The following SDK1 variants were observed in gnomAD, a reference collection of about 807,000 sequenced individuals.
SDK1 encodes protein sidekick-1.
A neutral mutation model predicts 245.5 loss-of-function variants in SDK1; 157 were observed. The ratio of observed to expected loss-of-function variants is 0.64; its 90% confidence interval spans 0.56 to 0.73. The LOEUF (loss-of-function observed/expected upper bound fraction) is 0.73, where lower values mean the gene tolerates loss of function less well. Ranked by LOEUF, SDK1 falls within the 30% of genes least tolerant of loss-of-function variation. SDK1 has a pLI of 0.00. For missense variants in SDK1, 3,583 were observed against 3,002.3 expected (o/e 1.19, Z -4.52); for synonymous variants, 1,647 against 1,278.5 (o/e 1.29, Z -6.15).
chr7:4,221,472 A>C, intron 40 of SDK1, 108 bp downstream of exon 40: 1 of 1,384,582 alleles, frequency 7.2e-7, no homozygotes. Context: ...TTCCCCCCAC[A>C]AAGCTGGGAC....
At chr7:3,531,316 T>C (rs1044748576) in intron 1 of SDK1, among the ~76,000 whole-genome samples, 42 of 152,244 alleles carry the variant, frequency 2.8e-4, no homozygotes, top group African/African-American at 9.9e-4. Flanking sequence ...TGGTTTTGTA[T>C]TGAAATGTTC....
chr7:3,696,572 T>G (rs200613589), intron 4 of SDK1, among the ~76,000 whole-genome samples: 1 of 147,906 alleles, frequency 6.8e-6, no homozygotes. Context: ...TTCTCTGTGT[T>G]TGTGTGTGTG....
rs1395828547 is a variant in SDK1 at position 3,803,743 on chromosome 7, C to A, written c.714-17707C>A. ...CTTCCAGTTTGCAACTGGTATTTTC[C>A]TCTTTTTTTTTTTTTTTTTTTTTGA... On this transcript the variant is annotated intron_variant, in intron 4 of 44. Coordinates refer to ENST00000404826, the MANE Select transcript of SDK1 (RefSeq NM_152744.4). Among the ~76,000 whole-genome samples, 10 of 144,394 alleles carry A rather than the reference C, an allele frequency of 6.9e-5. No homozygotes were observed. In the Admixed American group the frequency reaches 7.1e-4, roughly 10 times the overall value. 94.7% of individuals were successfully genotyped at this position (144,394 alleles called of 152,430 possible).
chr7:3,764,373 A>C (rs1780190773), intron 4 of SDK1, among the ~76,000 whole-genome samples: 3 of 152,178 alleles, frequency 2.0e-5, no homozygotes, highest in Non-Finnish European at 4.4e-5. Context: ...TTCTCCTGCG[A>C]TGCAATTCAT....
intron 5 of SDK1, among the ~76,000 whole-genome samples, chr7:3,892,974 C>G (rs963950052): frequency 9.2e-5 from 14 of 152,142 alleles, no homozygotes; most frequent in African/African-American, 3.1e-4. Context: ...GCTGCCTTCC[C>G]AGGAGGCCGA....
chr7:3,589,513 A>G (rs1188063976), intron 1 of SDK1, among the ~76,000 whole-genome samples: 2 of 152,212 alleles, frequency 1.3e-5, no homozygotes. Flanking sequence ...TTCATATTGC[A>G]TGAAGAAATA....
intron 40 of SDK1, among the ~76,000 whole-genome samples, chr7:4,226,961 G>A: frequency 6.8e-6 from 1 of 148,062 alleles, no homozygotes; most frequent in Admixed American, 6.7e-5. Context: ...CTTAAATAAT[G>A]TGTGTAGCCC....
At chr7:3,372,410 T>C (rs1038804219) in intron 1 of SDK1, among the ~76,000 whole-genome samples, 11 of 152,146 alleles carry the variant, frequency 7.2e-5, no homozygotes, top group Middle Eastern at 3.2e-3. Context: ...AAATATGATA[T>C]GAAAAGCACA....
intron 5 of SDK1, among the ~76,000 whole-genome samples, chr7:3,904,950 G>A (rs1344978631): frequency 2.0e-5 from 3 of 148,794 alleles, no homozygotes; most frequent in Non-Finnish European, 4.4e-5. Context: ...TGGAGATCGC[G>A]CCACTGCACT....
intron 22 of SDK1, among the ~76,000 whole-genome samples, chr7:4,104,303 C>G (rs1470349469): frequency 1.3e-5 from 2 of 152,236 alleles, no homozygotes; most frequent in Non-Finnish European, 2.9e-5. Flanking sequence ...TCAAGCAAAC[C>G]TCCCGCTTTG....
At chr7:3,556,535 A>G (rs1345180720) in intron 1 of SDK1, among the ~76,000 whole-genome samples, 1 of 152,160 alleles carries the variant, frequency 6.6e-6, no homozygotes, top group East Asian at 1.9e-4. Flanking sequence ...TTTAATAACT[A>G]GAGGCCAGGT....
chr7:3,358,801 G>A (rs1428293141), intron 1 of SDK1, among the ~76,000 whole-genome samples: 1 of 152,158 alleles, frequency 6.6e-6, no homozygotes, highest in African/African-American at 2.4e-5. Flanking sequence ...GAGGCAAAAT[G>A]GGGTGGGTTT....
At chr7:4,002,468 A>T (rs764746856) in intron 14 of SDK1, among the ~76,000 whole-genome samples, 1 of 152,212 alleles carries the variant, frequency 6.6e-6, no homozygotes, top group African/African-American at 2.4e-5. Context: ...GAACACTAAG[A>T]TACAGGTCGG....
At position 3,865,160 on chromosome 7, in the gene SDK1, A is replaced by G. The variant is rs17133942; in HGVS notation, c.847+43577A>G. On this transcript the variant is annotated intron_variant, in intron 5 of 44. Transcript: ENST00000404826. ...TGGGAAGTGATGAACGTCCACAGAG[A>G]TGAGATTCATAGGAAGCCCCATCTG... 4.9e-3 allele frequency among the ~76,000 whole-genome samples: 742 copies of G among 152,262 alleles called. 9 individuals are homozygous for G. The highest frequency in any genetic ancestry group is 0.017 in the African/African-American group (691 of 41,560).
intron 17 of SDK1, among the ~76,000 whole-genome samples, chr7:4,046,997 G>A (rs866852533): frequency 6.6e-6 from 1 of 152,034 alleles, no homozygotes; most frequent in African/African-American, 2.4e-5. Context: ...ATTGACTTAG[G>A]TGTTTGGTTT....
intron 4 of SDK1, among the ~76,000 whole-genome samples, chr7:3,680,788 C>T (rs937835176): frequency 3.3e-5 from 5 of 152,192 alleles, no homozygotes; most frequent in African/African-American, 4.8e-5. Context: ...TTAAAGGCAA[C>T]AGCTATCCTG....
At chr7:4,231,233 T>C (rs1267952245) in intron 40 of SDK1, among the ~76,000 whole-genome samples, 1 of 152,070 alleles carries the variant, frequency 6.6e-6, no homozygotes, top group Non-Finnish European at 1.5e-5. Context: ...TTAGTGGTGA[T>C]GAGTGTCTTG....
intron 20 of SDK1, among the ~76,000 whole-genome samples, chr7:4,072,048 G>A (rs1032004138): frequency 1.3e-5 from 2 of 152,260 alleles, no homozygotes; most frequent in African/African-American, 4.8e-5. Context: ...CGGCTAAGCA[G>A]TGGTTGCCAA....
intron 17 of SDK1, among the ~76,000 whole-genome samples, chr7:4,027,085 A>G (rs1367249706): frequency 6.6e-6 from 1 of 152,190 alleles, no homozygotes; most frequent in Non-Finnish European, 1.5e-5. Flanking sequence ...ATCGTGGGGT[A>G]GAAGCAGCTC....
Sources: gnomAD v4.1 joint callset for allele counts (sites outside exome capture counted in the v4.1 genomes callset) on GRCh38, gnomAD v4.1.1 for gene constraint, MANE v1.5 for transcripts, NCBI Gene and HGNC (gene_info 2026-07-23, HGNC 2026-07-21) for gene names.